HDLBP: variants seen among roughly 807,000 people sequenced by gnomAD.
The protein encoded by HDLBP is high density lipoprotein binding protein.
HDLBP carries 30 observed loss-of-function variants against 137.3 expected under a neutral mutation model. The ratio of observed to expected loss-of-function variants is 0.22; its 90% CI spans 0.16 to 0.30. The LOEUF is 0.30. HDLBP is among the 10% of genes least tolerant of loss of function. The pLI, the probability that HDLBP is intolerant of heterozygous loss-of-function variation, is 1.00. For missense variants in HDLBP, 1,119 were observed against 1,667.3 expected (o/e 0.67, Z 5.73); for synonymous variants, 606 against 596.0 (o/e 1.02, Z -0.24).
At chr2:241,251,504 T>G (rs994978399) in intron 11 of HDLBP, among the ~76,000 whole-genome samples, 2 of 152,252 alleles carry the variant, frequency 1.3e-5, no homozygotes, top group African/African-American at 4.8e-5. Flanking sequence ...AGTCATGTTA[T>G]GCAGGTCGGT....
intron 17 of HDLBP, 100 bp downstream of exon 17, chr2:241,242,360 A>G (rs567672428): frequency 2.1e-5 from 21 of 1,023,032 alleles, no homozygotes; most frequent in Admixed American, 1.6e-4. Flanking sequence ...CTGACCCGCC[A>G]CAAAGGAAGG....
chr2:241,281,577 AT>A (rs1345073961), intron 1 of HDLBP, among the ~76,000 whole-genome samples: 1 of 152,126 alleles, frequency 6.6e-6, no homozygotes, highest in Non-Finnish European at 1.5e-5. Context: ...AAATTGATGG[AT>A]TTTCATAGAA....
At chr2:241,284,560 T>G (rs2074734927) in intron 1 of HDLBP, among the ~76,000 whole-genome samples, 1 of 152,246 alleles carries the variant, frequency 6.6e-6, no homozygotes, top group South Asian at 2.1e-4. Flanking sequence ...ACAGAGGATT[T>G]AGAATATTAC....
At position 241,272,952 on chromosome 2, in the gene HDLBP, G is replaced by A. The variant is rs2074227168; in HGVS notation, c.-102-4411C>T. ...GCCGCCCCGGGCCGCCCAGCACCCG[G>A]GAGGCCCACCCAACTGCAGGCGTGG... On this transcript the variant is annotated intron_variant, in intron 1 of 27. Coordinates refer to ENST00000310931, the MANE Select transcript of HDLBP (RefSeq NM_005336.6). This position sits in a 1 kb window ranked among gnomAD's most constrained non-coding sequence, Gnocchi z 5.6. 9.7e-6 allele frequency: 9 copies of A among 926,812 alleles called. No individual in the cohort carries two copies. Among genetic ancestry groups the A allele is most frequent in the Middle Eastern group, 5.5e-4 (1 of 1,832 alleles). The allele number at this position is 926,812 out of a possible 1,614,324, so 57.4% of individuals were successfully genotyped here. A position where few individuals can be genotyped will look rare whatever the true frequency, so the allele number is the denominator to read the frequency against.
At chr2:241,309,264 C>A (rs2075686717) in intron 1 of HDLBP, among the ~76,000 whole-genome samples, 1 of 152,130 alleles carries the variant, frequency 6.6e-6, no homozygotes, top group Non-Finnish European at 1.5e-5. Flanking sequence ...CACCGCTTAC[C>A]AAAACGTGAC....
At chr2:241,291,114 T>G (rs2075001080) in intron 1 of HDLBP, among the ~76,000 whole-genome samples, 1 of 152,234 alleles carries the variant, frequency 6.6e-6, no homozygotes, top group African/African-American at 2.4e-5. Context: ...TAAAAGATGC[T>G]TAAGCATCGT....
chr2:241,274,882 C>T (rs915468186), intron 1 of HDLBP, among the ~76,000 whole-genome samples: 1 of 151,990 alleles, frequency 6.6e-6, no homozygotes, highest in South Asian at 2.1e-4. Context: ...CTCAAAGGGA[C>T]GGGGGAGAAG....
chr2:241,238,860 T>C lies in HDLBP; in HGVS notation c.2611-73A>G. 2 of 1,255,286 alleles carry C rather than the reference T, an allele frequency of 1.6e-6. No individual in the cohort carries two copies. Among genetic ancestry groups the C allele is most frequent in the South Asian group, 3.5e-5 (2 of 57,598 alleles). 77.8% of individuals were successfully genotyped at this position (1,255,286 alleles called of 1,614,324 possible). On this transcript the variant is annotated intron_variant, in intron 19 of 27. Transcript: ENST00000310931. This position sits in a 1 kb window ranked among gnomAD's most constrained non-coding sequence, Gnocchi z 4.9. The stretch of plus-strand genomic sequence containing the variant: ...CCTTAGGGCAAGTTTTACAGCACTC[T>C]TCACACCACCTTCCTCCCTGTCCTC...
intron 17 of HDLBP, among the ~76,000 whole-genome samples, chr2:241,242,151 G>A (rs745677710): frequency 9.2e-5 from 14 of 152,176 alleles, no homozygotes; most frequent in Admixed American, 3.9e-4. Flanking sequence ...TCACATGACT[G>A]CATGTTACTT....
At chr2:241,287,695 T>C (rs1302396213) in intron 1 of HDLBP, among the ~76,000 whole-genome samples, 1 of 152,224 alleles carries the variant, frequency 6.6e-6, no homozygotes, top group African/African-American at 2.4e-5. Context: ...GTGCTGGGAT[T>C]ACAGGTGTGA....
chr2:241,256,982 A>C (rs1266564548), intron 5 of HDLBP, among the ~76,000 whole-genome samples, 176 bp from the exon 6 acceptor site: 2 of 151,946 alleles, frequency 1.3e-5, no homozygotes, highest in Non-Finnish European at 2.9e-5. Flanking sequence ...GGTTGCCCTG[A>C]CTCCCAGGTT....
chr2:241,295,468 A>T (rs1157214224), intron 1 of HDLBP, among the ~76,000 whole-genome samples: 2 of 152,200 alleles, frequency 1.3e-5, no homozygotes, highest in Non-Finnish European at 2.9e-5. Flanking sequence ...TTGGCAAAAC[A>T]AAAATTTTAC....
In HDLBP at chr2:241,256,687, A is replaced by C; in HGVS notation, c.570T>G (p.Asp190Glu). Residue 190 changes from aspartate (D) to glutamate (E), a missense_variant, in exon 6 of 28, where the codon GAT (aspartate) becomes GAG (glutamate). Asp to Glu is a conservative substitution (Grantham distance 45). Around this residue, in one of 4 missense-constraint regions of HDLBP, gnomAD observed 425 missense variants for 693.9 expected, o/e 0.61. Coordinates refer to ENST00000310931, the MANE Select transcript of HDLBP (RefSeq NM_005336.6). ...TATKIQIPRP[D>E]DPSNQIKITG... ...TGATCTTGATCTGATTGCTGGGGTC[A>C]TCTGGGCGTGGGATCTGGATTTTGG... The C allele has an allele frequency of 6.2e-7, 1 of 1,614,214 alleles. No homozygotes were observed. The highest frequency in any genetic ancestry group is 8.5e-7 in the Non-Finnish European group (1 of 1,180,040).
chr2:241,259,750 C>T (rs374868302), intron 5 of HDLBP, among the ~76,000 whole-genome samples: 8 of 151,498 alleles, frequency 5.3e-5, no homozygotes, highest in African/African-American at 1.9e-4. Flanking sequence ...GCTAGGATTA[C>T]AGGCGTGAGA....
intron 1 of HDLBP, among the ~76,000 whole-genome samples, chr2:241,290,918 TGTATGAAAAATATG>T (rs2074994587): frequency 6.6e-6 from 1 of 152,230 alleles, no homozygotes; most frequent in Non-Finnish European, 1.5e-5. Flanking sequence ...AAGAATATAT[TGTATGAAAAATATG>T]TGCCATGAAA....
chr2:241,230,751 C>G lies in HDLBP; in HGVS notation c.3474+8G>C. 6.2e-7 allele frequency: 1 copy of G among 1,612,924 alleles called. No individual in the cohort carries two copies. Among genetic ancestry groups the G allele is most frequent in the African/African-American group, 1.3e-5 (1 of 75,048 alleles). On this transcript the variant is annotated splice_region_variant and intron_variant, in intron 25 of 27. Transcript: ENST00000310931. This position sits in a 1 kb window ranked among gnomAD's most constrained non-coding sequence, Gnocchi z 5.0. Reference sequence around the variant, plus strand: ...GATTCTCACCCACTGTGCTTCCAGCCGGCTCACCTTGAATTCGTCCATGAT... The same window carrying G: ...GATTCTCACCCACTGTGCTTCCAGCGGGCTCACCTTGAATTCGTCCATGAT...
intron 16 of HDLBP, among the ~76,000 whole-genome samples, chr2:241,245,317 GAGA>G (rs2071587544): frequency 6.6e-6 from 1 of 152,056 alleles, no homozygotes; most frequent in South Asian, 2.1e-4. Flanking sequence ...CTGAGTGGCT[GAGA>G]CTACAAGCAT....
chr2:241,285,070 G>A (rs369448549), intron 1 of HDLBP, among the ~76,000 whole-genome samples: 3 of 152,252 alleles, frequency 2.0e-5, no homozygotes, highest in South Asian at 2.1e-4. Context: ...TAGTAGAGGC[G>A]GGGTTTCACC....
At chr2:241,300,760 C>A (rs949395015) in intron 1 of HDLBP, among the ~76,000 whole-genome samples, 3 of 152,136 alleles carry the variant, frequency 2.0e-5, no homozygotes, top group Admixed American at 6.5e-5. Context: ...CCCGGGGACA[C>A]CCCAGAGCCC....
Sources: gnomAD v4.1 joint callset for allele counts (sites outside exome capture counted in the v4.1 genomes callset) on GRCh38, gnomAD v4.1.1 for gene constraint, gnomAD v4.1.1 regional missense constraint, Gnocchi (gnomAD v3.1) non-coding constraint, MANE v1.5 for transcripts, NCBI Gene and HGNC (gene_info 2026-07-23, HGNC 2026-07-21) for gene names.